The following UBE2G1 variants were observed in gnomAD, a reference collection of about 807,000 sequenced individuals.
The protein encoded by UBE2G1 is ubiquitin-conjugating enzyme E2 G1.
Under a neutral mutation model 22.7 loss-of-function variants are expected in UBE2G1, and 5 were observed. The observed-to-expected ratio is 0.22, with a 90% CI of 0.12 to 0.46. The LOEUF (loss-of-function observed/expected upper bound fraction) is 0.46. UBE2G1 is among the 20% of genes least tolerant of loss of function. The pLI, the probability that UBE2G1 is intolerant of heterozygous loss-of-function variation, is 0.99. For missense variants in UBE2G1, 88 were observed against 203.9 expected (o/e 0.43, Z 3.46); for synonymous variants, 74 against 67.5 (o/e 1.10, Z -0.47).
At chr17:4,274,863 G>T (rs1482674121) in intron 5 of UBE2G1, among the ~76,000 whole-genome samples, 1 of 149,012 alleles carries the variant, frequency 6.7e-6, no homozygotes, top group Non-Finnish European at 1.5e-5. Context: ...GACCAGCCTG[G>T]GCAACAGGAG....
chr17:4,350,584 T>C (rs568623225), intron 1 of UBE2G1, among the ~76,000 whole-genome samples: 2 of 150,766 alleles, frequency 1.3e-5, no homozygotes, highest in South Asian at 4.1e-4. Flanking sequence ...CAAATTAAAC[T>C]AATTGTAAAA....
chr17:4,303,619 T>G (rs779838540), intron 2 of UBE2G1, among the ~76,000 whole-genome samples: 25 of 152,184 alleles, frequency 1.6e-4, no homozygotes, highest in Non-Finnish European at 7.4e-5. Context: ...CACTGATCAT[T>G]CCATTTCCAA....
At chr17:4,296,934 A>T (rs1325627248) in intron 2 of UBE2G1, 120 bp from the exon 3 acceptor site, 4 of 804,548 alleles carry the variant, frequency 5.0e-6, no homozygotes, top group South Asian at 1.6e-5. Context: ...GTAAACAAAT[A>T]ATCTGGATTC....
intron 2 of UBE2G1, among the ~76,000 whole-genome samples, chr17:4,298,356 G>A (rs1304019449): frequency 1.3e-5 from 2 of 152,122 alleles, no homozygotes; most frequent in Non-Finnish European, 2.9e-5. Context: ...AATTGGGGGT[G>A]TGTTTGTATA....
chr17:4,308,337 G>A (rs551092148), intron 1 of UBE2G1, among the ~76,000 whole-genome samples: 92 of 150,380 alleles, frequency 6.1e-4, no homozygotes, highest in African/African-American at 2.2e-3. Flanking sequence ...CGGGCAACAA[G>A]GGCAAAACTC....
At chr17:4,326,086 G>A (rs1342991283) in intron 1 of UBE2G1, among the ~76,000 whole-genome samples, 1 of 151,954 alleles carries the variant, frequency 6.6e-6, no homozygotes, top group Non-Finnish European at 1.5e-5. Flanking sequence ...GACACCAAGA[G>A]CAATAGAGAC....
intron 3 of UBE2G1, among the ~76,000 whole-genome samples, chr17:4,292,181 C>A (rs980346625): frequency 6.6e-6 from 1 of 151,862 alleles, no homozygotes; most frequent in Non-Finnish European, 1.5e-5. Flanking sequence ...CAAGAATTAG[C>A]CGGGCTTGGT....
chr17:4,339,048 C>G (rs746679374), intron 1 of UBE2G1, among the ~76,000 whole-genome samples: 1 of 152,148 alleles, frequency 6.6e-6, no homozygotes, highest in Non-Finnish European at 1.5e-5. Flanking sequence ...TACAGGTATT[C>G]TTTCCTTTTA....
chr17:4,316,972 C>T (rs1395995054), intron 1 of UBE2G1, among the ~76,000 whole-genome samples: 1 of 150,494 alleles, frequency 6.6e-6, no homozygotes, highest in African/African-American at 2.4e-5. Flanking sequence ...AGGCCAGGCT[C>T]GGTGGCCTCT....
At chr17:4,306,954 A>G (rs1210753178) in intron 2 of UBE2G1, 67 bp downstream of exon 2, 15 of 1,489,594 alleles carry the variant, frequency 1.0e-5, no homozygotes, top group African/African-American at 1.4e-5. Flanking sequence ...CCAGCCTGCC[A>G]AAATAGTTTT....
At chr17:4,357,230 G>A (rs1175147344) in intron 1 of UBE2G1, among the ~76,000 whole-genome samples, 1 of 152,072 alleles carries the variant, frequency 6.6e-6, no homozygotes, top group Non-Finnish European at 1.5e-5. Context: ...ACTTAGCAGT[G>A]CCTGGTTTCA....
At chr17:4,311,213 C>G (rs1969306516) in intron 1 of UBE2G1, among the ~76,000 whole-genome samples, 1 of 151,992 alleles carries the variant, frequency 6.6e-6, no homozygotes, top group Non-Finnish European at 1.5e-5. Flanking sequence ...GGCAACAGAG[C>G]CAGACCTTGT....
At chr17:4,348,415 T>C (rs1379327262) in intron 1 of UBE2G1, among the ~76,000 whole-genome samples, 2 of 143,694 alleles carry the variant, frequency 1.4e-5, no homozygotes, top group Non-Finnish European at 3.1e-5. Context: ...TAGCCGGGCG[T>C]AGTGGCGGGC....
rs1968747633 is a variant in UBE2G1, at chr17:4,270,758, A to G, written c.*1796T>C. On this transcript the variant is annotated 3_prime_UTR_variant, in exon 6 of 6. Transcript: ENST00000396981. Reference sequence around the variant, plus strand: ...TTCTATAAGGTTTGTGGGTTTGTATAATGTTTACAGGTTTTTATAACGCTT... The same window carrying G: ...TTCTATAAGGTTTGTGGGTTTGTATGATGTTTACAGGTTTTTATAACGCTT... 6.6e-6 allele frequency: 1 copy of G among 152,078 alleles called. No individual in the cohort carries two copies. Among genetic ancestry groups the G allele is most frequent in the Non-Finnish European group, 1.5e-5 (1 of 68,016 alleles). 9.4% of individuals were successfully genotyped at this position (152,078 alleles called of 1,614,324 possible). A position where few individuals can be genotyped will look rare whatever the true frequency, so the allele number is the denominator to read the frequency against.
At chr17:4,299,422 T>C (rs1969148414) in intron 2 of UBE2G1, among the ~76,000 whole-genome samples, 1 of 152,048 alleles carries the variant, frequency 6.6e-6, no homozygotes, top group African/African-American at 2.4e-5. Context: ...AAAGAGTCAA[T>C]GTAAAAGGAC....
chr17:4,345,504 T>C (rs1331956241), intron 1 of UBE2G1: 1 of 152,232 alleles, frequency 6.6e-6, no homozygotes, highest in African/African-American at 2.4e-5. Flanking sequence ...ATAACTTTCA[T>C]TGATCCCTTT....
chr17:4,288,033 A>C (rs1171443890), intron 4 of UBE2G1, among the ~76,000 whole-genome samples: 1 of 152,230 alleles, frequency 6.6e-6, no homozygotes, highest in African/African-American at 2.4e-5. Context: ...GTTCTTAGGG[A>C]ACAGATCCTG....
chr17:4,347,466 C>CTTTTTTTTTTTT (rs1969790668), intron 1 of UBE2G1, among the ~76,000 whole-genome samples: 1 of 92,526 alleles, frequency 1.1e-5, no homozygotes, highest in African/African-American at 5.4e-5. Context: ...CACAGTATTT[C>CTTTTTTTTTTTT]TTCTTTTTTT....
At chr17:4,339,108 C>T (rs1969682616) in intron 1 of UBE2G1, among the ~76,000 whole-genome samples, 1 of 152,106 alleles carries the variant, frequency 6.6e-6, no homozygotes, top group Non-Finnish European at 1.5e-5. Flanking sequence ...ACAACAGTAA[C>T]AACGAACGCT....
Sources: gnomAD v4.1 joint callset for allele counts (sites outside exome capture counted in the v4.1 genomes callset) on GRCh38, gnomAD v4.1.1 for gene constraint, MANE v1.5 for transcripts, NCBI Gene and HGNC (gene_info 2026-07-23, HGNC 2026-07-21) for gene names.